The following COL27A1 variants were observed in gnomAD, a reference collection of about 807,000 sequenced individuals.
COL27A1 encodes collagen alpha-1(XXVII) chain.
Under a neutral mutation model 251.3 loss-of-function variants are expected in COL27A1, and 106 were observed. That is an observed-to-expected ratio of 0.42 (90% confidence interval 0.36 to 0.50). COL27A1 has a LOEUF of 0.50. COL27A1 is among the 20% of genes least tolerant of loss of function. The probability of loss-of-function intolerance (pLI) is 0.00; values close to 1 mark genes in which losing one functional copy is unlikely to be tolerated. For missense variants in COL27A1, 2,325 were observed against 2,522.8 expected, an observed-to-expected ratio of 0.92 and a Z score of 1.68; for synonymous variants, 1,000 against 986.3, an observed-to-expected ratio of 1.01 and a Z score of -0.26.
In COL27A1 at chr9:114,169,320, G is replaced by T. The variant is rs1849142501; in HGVS notation, c.1765G>T (p.Ala589Ser). ...QPQPSQQTTP[A>S]LVLAPAQFLS... Reference sequence around the variant, plus strand: ...CCAGCCCAGTCAGCAGACCACCCCGGCCCTGGTATTGGCCCCGGCGCAATT... The same window carrying T: ...CCAGCCCAGTCAGCAGACCACCCCGTCCCTGGTATTGGCCCCGGCGCAATT... The change falls in exon 3 of 61, where the codon GCC becomes TCC. Residue 589 changes from alanine to serine, a missense_variant. Ala to Ser is a moderately conservative substitution (Grantham distance 99). Transcript: ENST00000356083. 1.2e-6 allele frequency: 2 copies of T among 1,612,424 alleles called. No individual in the cohort carries two copies. The highest frequency in any genetic ancestry group is 2.2e-5 in the South Asian group (2 of 91,002).
chr9:114,298,186 G>T (rs1212077162), intron 49 of COL27A1, among the ~76,000 whole-genome samples: 1 of 150,520 alleles, frequency 6.6e-6, no homozygotes, highest in African/African-American at 2.4e-5. Context: ...TCAAAATGTT[G>T]ATGAAATAAA....
chr9:114,168,575 T>C lies in COL27A1; in HGVS notation c.1020T>C (p.Ser340=). The C allele has an allele frequency of 6.2e-7, 1 of 1,614,110 alleles. No homozygotes were observed. The highest frequency in any genetic ancestry group is 8.5e-7 in the Non-Finnish European group (1 of 1,179,978). Residue 340 remains serine, a synonymous_variant, in exon 3 of 61, where the codon TCT becomes TCC. Transcript: ENST00000356083. ...CACTTGATCCCATGCTCCCAGCCTCTGTTGGCGGCTCTACCAGAACGCCTC... is the reference window on the plus strand; with the variant it reads ...CACTTGATCCCATGCTCCCAGCCTCCGTTGGCGGCTCTACCAGAACGCCTC... The part of the protein sequence containing the change: ...SNALDPMLPA[S]VGGSTRTPRP...
rs187599885 is a variant in COL27A1, at chr9:114,253,030, G to T, written c.3141+98G>T. 3.1e-3 allele frequency: 2,980 copies of T among 950,342 alleles called. 5 individuals carry two copies. Among genetic ancestry groups the T allele is most frequent in the Middle Eastern group, 6.2e-3 (27 of 4,336 alleles). 58.9% of individuals were successfully genotyped at this position (950,342 alleles called of 1,614,324 possible). On this transcript the variant is annotated intron_variant, in intron 27 of 60. Coordinates refer to ENST00000356083, the MANE Select transcript of COL27A1 (RefSeq NM_032888.4). ...TCACACCTGTAATCTCAGCACTTCG[G>T]GAGGCCGATCACTTGAGGCCAGAGT...
intron 2 of COL27A1, among the ~76,000 whole-genome samples, chr9:114,166,045 CCATT>C (rs1848824010): frequency 1.3e-5 from 2 of 151,954 alleles, no homozygotes; most frequent in East Asian, 2.0e-4. Flanking sequence ...ACCTGTCCAT[CCATT>C]CATTCATCCA....
intron 35 of COL27A1, 135 bp downstream of exon 35, chr9:114,269,429 C>A: frequency 1.8e-6 from 1 of 570,014 alleles, no homozygotes. Context: ...TGTCTACAGC[C>A]TCGCCCAGTC....
At chr9:114,178,183 G>A (rs998538002) in intron 3 of COL27A1, 108 bp from the exon 4 acceptor site, 36 of 919,140 alleles carry the variant, frequency 3.9e-5, no homozygotes, top group Non-Finnish European at 4.8e-5. Context: ...TCTTAGCCGC[G>A]GACTATCCAT....
At position 114,240,260 on chromosome 9, in the gene COL27A1, C is replaced by T; in HGVS notation, c.2768C>T (p.Pro923Leu). The change falls in exon 20 of 61, where the codon CCA becomes CTA. Residue 923 changes from proline to leucine, a missense_variant. Around this residue, in one of 4 missense-constraint regions of COL27A1, gnomAD observed 662 missense variants for 795.3 expected, o/e 0.83. Coordinates refer to ENST00000356083, the MANE Select transcript of COL27A1 (RefSeq NM_032888.4). Reference sequence around the variant, plus strand: ...ATCGGCCCCCCTGGCGACAATGGCCCAGAAGGCATGAAGGTGAGTACCTGC... The same window carrying T: ...ATCGGCCCCCCTGGCGACAATGGCCTAGAAGGCATGAAGGTGAGTACCTGC... ...GDIGPPGDNG[P>L]EGMKGKPGAR... 6.2e-7 allele frequency: 1 copy of T among 1,603,316 alleles called. No homozygotes were observed.
Position 114,310,758 on chromosome 9 carries a change from G to A in COL27A1, c.*63G>A. The A allele has an allele frequency of 1.3e-6, 2 of 1,575,194 alleles. No individual in the cohort carries two copies. Among genetic ancestry groups the A allele is most frequent in the South Asian group, 2.2e-5 (2 of 89,216 alleles). Reference sequence around the variant, plus strand: ...GGGAAGAGGAAGAGGCAAGGGGAGGGTACTGAGGGGCAGATGGCTCCAGGA... The same window carrying A: ...GGGAAGAGGAAGAGGCAAGGGGAGGATACTGAGGGGCAGATGGCTCCAGGA... On this transcript the variant is annotated 3_prime_UTR_variant, in exon 61 of 61. Transcript: ENST00000356083.
chr9:114,207,615 G>A (rs1222422335), intron 10 of COL27A1, among the ~76,000 whole-genome samples: 1 of 152,184 alleles, frequency 6.6e-6, no homozygotes, highest in Non-Finnish European at 1.5e-5. Context: ...TCTCTTACAG[G>A]CCACACAGCC....
chr9:114,243,005 A>G (rs188682233), intron 22 of COL27A1, among the ~76,000 whole-genome samples: 69 of 152,256 alleles, frequency 4.5e-4, no homozygotes, highest in Admixed American at 4.2e-3. Context: ...TCCACTGACA[A>G]TATTGCGCGC....
chr9:114,195,853 T>G, intron 6 of COL27A1, 106 bp from the exon 7 acceptor site: 3 of 931,588 alleles, frequency 3.2e-6, no homozygotes, highest in Non-Finnish European at 5.3e-6. Flanking sequence ...ATGAATCTCA[T>G]TTGGAAACAA....
intron 28 of COL27A1, among the ~76,000 whole-genome samples, chr9:114,263,020 G>A (rs546656585): frequency 6.8e-6 from 1 of 146,602 alleles, no homozygotes; most frequent in Admixed American, 7.0e-5. Context: ...CTCACTGCAA[G>A]CTCCGCCTCC....
Position 114,168,702 on chromosome 9 carries a change from A to C in COL27A1, c.1147A>C (p.Lys383Gln), listed in dbSNP as rs199919610. 55 of 1,614,074 alleles carry C rather than the reference A, an allele frequency of 3.4e-5. No homozygotes were observed. Among genetic ancestry groups the C allele is most frequent in the Non-Finnish European group, 4.6e-5 (54 of 1,180,014 alleles). The change falls in exon 3 of 61, where the codon AAA becomes CAA. Residue 383 changes from lysine (K) to glutamine (Q), a missense_variant. This residue lies in a region of COL27A1 where 1,183 missense variants were observed against 1,144.1 expected (regional missense o/e 1.03). Transcript: ENST00000356083. ...CCCTTCTACTTCAATTGTGCCCATC[A>C]AAAGCCCCCATCCTACCCAGAAAAC... ...SAPSTSIVPIKSPHPTQKTAP... is the reference protein window; with the variant it reads ...SAPSTSIVPIQSPHPTQKTAP...
chr9:114,292,334 C>T (rs1301938418), intron 49 of COL27A1, 124 bp downstream of exon 49: 4 of 754,334 alleles, frequency 5.3e-6, no homozygotes, highest in Non-Finnish European at 8.6e-6. Flanking sequence ...CAGAAGCCAC[C>T]TCCTTGCTCT....
intron 27 of COL27A1, among the ~76,000 whole-genome samples, chr9:114,254,330 C>G (rs550004808): frequency 6.9e-6 from 1 of 145,746 alleles, no homozygotes; most frequent in South Asian, 2.2e-4. Flanking sequence ...CAGGAGCACT[C>G]AAGTTCAAGA....
At chr9:114,194,997 G>T (rs1829016370) in intron 6 of COL27A1, among the ~76,000 whole-genome samples, 1 of 152,210 alleles carries the variant, frequency 6.6e-6, no homozygotes, top group East Asian at 1.9e-4. Context: ...CGTCTCTGAA[G>T]CATCCACCCC....
chr9:114,258,143 C>T (rs937412207), intron 27 of COL27A1, among the ~76,000 whole-genome samples: 1 of 152,216 alleles, frequency 6.6e-6, no homozygotes, highest in Non-Finnish European at 1.5e-5. Context: ...CTGCACTGCA[C>T]TCCAGCCCAG....
At chr9:114,246,451 A>G (rs142743973) in intron 24 of COL27A1, among the ~76,000 whole-genome samples, 4 of 152,348 alleles carry the variant, frequency 2.6e-5, no homozygotes, top group African/African-American at 4.8e-5. Context: ...ACGACCTTCA[A>G]TTAAAGTCCA....
At chr9:114,217,512 C>T (rs924779677) in intron 12 of COL27A1, among the ~76,000 whole-genome samples, 2 of 152,240 alleles carry the variant, frequency 1.3e-5, no homozygotes, top group Non-Finnish European at 2.9e-5. Context: ...TTGGGCATCA[C>T]AGGGTCCTAA....
Sources: allele counts gnomAD v4.1 joint callset (sites outside exome capture counted in the v4.1 genomes callset), GRCh38; gene constraint gnomAD v4.1.1; regional missense constraint gnomAD v4.1.1; transcripts MANE v1.5; gene names NCBI Gene and HGNC (gene_info 2026-07-23, HGNC 2026-07-21).